The following DEFB121 variants were observed in gnomAD, a reference collection of about 807,000 sequenced individuals.
DEFB121 encodes the protein beta-defensin 121.
DEFB121 carries 5 observed loss-of-function variants against 2.5 expected under a neutral mutation model. The ratio of observed to expected loss-of-function variants is 1.96; its 90% CI spans 1.03 to 4.13. DEFB121 has a LOEUF of 4.13. Among genes scored for constraint, DEFB121 ranks in the 30% most tolerant of loss-of-function variants. The pLI, the probability that DEFB121 is intolerant of heterozygous loss-of-function variation, is 0.00. For synonymous variants in DEFB121, 39 were observed against 32.6 expected (o/e 1.20, Z -0.67); for missense variants, 87 against 85.0 (o/e 1.02, Z -0.09).
chr20:31,413,660 A>G (rs939695014), upstream of DEFB121, among the ~76,000 whole-genome samples: 10 of 149,188 alleles, frequency 6.7e-5, no homozygotes, highest in Non-Finnish European at 1.3e-4. Context: ...TAGCCATTAT[A>G]TGCCCTGGCC....
chr20:31,409,734 C>A (rs182396530), upstream of DEFB121, among the ~76,000 whole-genome samples: 2 of 151,966 alleles, frequency 1.3e-5, no homozygotes, highest in Non-Finnish European at 1.5e-5. Flanking sequence ...ACAACAAGAG[C>A]GAAACACTGT....
upstream of DEFB121, among the ~76,000 whole-genome samples, chr20:31,417,427 C>A (rs1011617019): frequency 6.6e-6 from 1 of 151,740 alleles, no homozygotes; most frequent in African/African-American, 2.4e-5. Context: ...GAAATTATAA[C>A]AAAATGACAG....
At chr20:31,407,647 A>C (rs6059128), upstream of DEFB121, among the ~76,000 whole-genome samples, 128,624 of 152,254 alleles carry the variant, frequency 0.84, 54,423 homozygotes, top group African/African-American at 0.9. Flanking sequence ...TAAAGGATTG[A>C]TGTTTTAAGC....
chr20:31,409,779 T>C (rs1348703944), upstream of DEFB121, among the ~76,000 whole-genome samples: 1 of 152,172 alleles, frequency 6.6e-6, no homozygotes, highest in East Asian at 1.9e-4. Flanking sequence ...ATAATAAACA[T>C]TTTTTAAAAG....
Position 31,406,157 on chromosome 20 carries a change from G to T in DEFB121, c.-5C>A, listed in dbSNP as rs767897758. 6.8e-6 allele frequency: 11 copies of T among 1,613,954 alleles called. No individual in the cohort carries two copies. The African/African-American group carries it at 1.5e-4, about 22-fold the overall frequency. On this transcript the variant is annotated 5_prime_UTR_variant, in exon 1 of 2. Transcript: ENST00000376314. ...AAGCAGAAGAAGGAGCTTCATGAAT[G>T]ATGAATGATCAGGGAGGGATAGGAG...
At chr20:31,418,259 CAAAAAAA>C in the DEFB121 span, among the ~76,000 whole-genome samples, 10 of 82,990 alleles carry the variant, frequency 1.2e-4, no homozygotes, top group East Asian at 1.2e-3. Flanking sequence ...GACTCCGTCT[CAAAAAAA>C]AAAAAAAAAA....
At chr20:31,415,025 C>T (rs1208343915), upstream of DEFB121, among the ~76,000 whole-genome samples, 1 of 152,120 alleles carries the variant, frequency 6.6e-6, no homozygotes, top group East Asian at 1.9e-4. Context: ...CGTGCTTGTG[C>T]CACTGCACTC....
chr20:31,415,548 G>A (rs373933750), upstream of DEFB121, among the ~76,000 whole-genome samples: 39 of 152,072 alleles, frequency 2.6e-4, 1 homozygote, highest in South Asian at 7.1e-3. Context: ...CCATGCCGGC[G>A]ATGAACACTC....
upstream of DEFB121, among the ~76,000 whole-genome samples, chr20:31,416,994 G>A (rs1978824962): frequency 6.6e-6 from 1 of 152,056 alleles, no homozygotes; most frequent in Admixed American, 6.6e-5. Flanking sequence ...CCTTAAAAGG[G>A]GTGTTTTAAG....
upstream of DEFB121, among the ~76,000 whole-genome samples, chr20:31,409,215 T>A (rs1978587362): frequency 6.6e-6 from 1 of 152,154 alleles, no homozygotes; most frequent in African/African-American, 2.4e-5. Context: ...CTTATAAAGT[T>A]AAACATAAAC....
chr20:31,407,525 G>T (rs193127654), upstream of DEFB121, among the ~76,000 whole-genome samples: 13 of 152,302 alleles, frequency 8.5e-5, no homozygotes, highest in Non-Finnish European at 1.6e-4. Flanking sequence ...AGTGGTCCAA[G>T]GAGGATGAGA....
At chr20:31,418,043 G>A in the DEFB121 span, among the ~76,000 whole-genome samples, 5 of 150,908 alleles carry the variant, frequency 3.3e-5, no homozygotes, top group African/African-American at 4.9e-5. Context: ...GGCGGATCAC[G>A]AGGTCAGGAG....
At chr20:31,411,589 A>C (rs1454494854) in intron 1 of DEFB121, among the ~76,000 whole-genome samples, 1 of 152,162 alleles carries the variant, frequency 6.6e-6, no homozygotes, top group East Asian at 1.9e-4. Context: ...AGAAAGCGAT[A>C]AAGATCTGAG....
chr20:31,414,338 A>C (rs1435919728), upstream of DEFB121, among the ~76,000 whole-genome samples: 1 of 152,232 alleles, frequency 6.6e-6, no homozygotes, highest in Non-Finnish European at 1.5e-5. Flanking sequence ...TGACCCAGCC[A>C]TTCCATTTCT....
upstream of DEFB121, among the ~76,000 whole-genome samples, chr20:31,415,313 G>A (rs1193613875): frequency 1.3e-5 from 2 of 150,002 alleles, no homozygotes; most frequent in South Asian, 2.1e-4. Flanking sequence ...GGAGTGGTAC[G>A]ATCTCGGCTC....
intron 1 of DEFB121, among the ~76,000 whole-genome samples, chr20:31,411,752 G>A (rs545831488): frequency 1.3e-5 from 2 of 152,300 alleles, no homozygotes; most frequent in African/African-American, 4.8e-5. Flanking sequence ...GTGTCCAGGA[G>A]CCTGGAGTCC....
upstream of DEFB121, among the ~76,000 whole-genome samples, chr20:31,414,724 C>CA (rs2122364621): frequency 6.6e-6 from 1 of 152,248 alleles, no homozygotes; most frequent in Non-Finnish European, 1.5e-5. Context: ...AATTACTAAT[C>CA]AATGAGCAGA....
chr20:31,406,158 A>G lies in DEFB121; in HGVS notation c.-6T>C. 6.2e-7 allele frequency: 1 copy of G among 1,614,090 alleles called. No homozygotes were observed. The highest frequency in any genetic ancestry group is 1.3e-5 in the African/African-American group (1 of 75,056). ...AGCAGAAGAAGGAGCTTCATGAATG[A>G]TGAATGATCAGGGAGGGATAGGAGG... On this transcript the variant is annotated 5_prime_UTR_variant, in exon 1 of 2. Transcript: ENST00000376314.
chr20:31,416,342 T>C (rs1978805139), upstream of DEFB121, among the ~76,000 whole-genome samples: 1 of 152,252 alleles, frequency 6.6e-6, no homozygotes, highest in African/African-American at 2.4e-5. Flanking sequence ...ATTACAGGCA[T>C]AAGCCACGGC....
Sources: allele counts gnomAD v4.1 joint callset (sites outside exome capture counted in the v4.1 genomes callset), GRCh38; gene constraint gnomAD v4.1.1; transcripts MANE v1.5; gene names NCBI Gene and HGNC (gene_info 2026-07-23, HGNC 2026-07-21).